AK9: variants seen among roughly 807,000 people sequenced by gnomAD.
AK9 encodes the protein adenylate kinase domain containing 1.
In AK9, 191 loss-of-function variants were observed where a neutral mutation model predicts 239.6. The observed-to-expected ratio is 0.80, with a 90% CI of 0.71 to 0.90. AK9 has a LOEUF of 0.90. Ranked by LOEUF, AK9 falls within the 40% of genes least tolerant of loss-of-function variation. AK9 has a pLI of 0.00. For synonymous variants in AK9, 689 were observed against 721.0 expected, an observed-to-expected ratio of 0.96 and a Z score of 0.71; for missense variants, 1,995 against 2,214.7, an observed-to-expected ratio of 0.90 and a Z score of 1.99.
intron 31 of AK9, among the ~76,000 whole-genome samples, chr6:109,515,138 T>A (rs1779147025): frequency 6.6e-6 from 1 of 152,212 alleles, no homozygotes; most frequent in Non-Finnish European, 1.5e-5. Flanking sequence ...ATTTCTGTTG[T>A]TTAAGCTACC....
Position 109,497,801 on chromosome 6 carries a change from G to T in AK9, c.5211C>A (p.Asn1737Lys). The change falls in exon 37 of 41, where the codon AAC becomes AAA. Residue 1737 changes from asparagine to lysine, a missense_variant. Transcript: ENST00000424296. ...GYCPVTYKDGNQRYEALVPGS... is the reference protein window; with the variant it reads ...GYCPVTYKDGKQRYEALVPGS... ...CCATGAAGGCCAGGACTTGCCTTTGGTTTCCATCCTTATAGGTCACTGGAC... is the reference window on the plus strand; with the variant it reads ...CCATGAAGGCCAGGACTTGCCTTTGTTTTCCATCCTTATAGGTCACTGGAC... 1 of 1,611,734 alleles carries T rather than the reference G, an allele frequency of 6.2e-7. No individual in the cohort carries two copies. Among genetic ancestry groups the T allele is most frequent in the Non-Finnish European group, 8.5e-7 (1 of 1,178,054 alleles).
intron 6 of AK9, among the ~76,000 whole-genome samples, chr6:109,661,847 C>G (rs541991728): frequency 6.6e-6 from 1 of 152,324 alleles, no homozygotes; most frequent in Non-Finnish European, 1.5e-5. Context: ...ATTCTTATCA[C>G]AACCCCATGA....
intron 29 of AK9, chr6:109,527,814 C>A (rs1253710544): frequency 6.6e-6 from 1 of 152,040 alleles, no homozygotes; most frequent in African/African-American, 2.4e-5. Flanking sequence ...GAAATCACAC[C>A]ATTCTAATGT....
intron 40 of AK9, 77 bp from the exon 41 acceptor site, chr6:109,493,648 G>T: frequency 8.0e-7 from 1 of 1,251,056 alleles, no homozygotes; most frequent in Non-Finnish European, 1.1e-6. Flanking sequence ...CTGGATGTGT[G>T]GTTGAGTTAG....
At chr6:109,626,698 T>C (rs1467772675) in intron 12 of AK9, among the ~76,000 whole-genome samples, 2 of 152,326 alleles carry the variant, frequency 1.3e-5, no homozygotes, top group East Asian at 1.9e-4. Context: ...TGTAACACAA[T>C]GTTAAGGATT....
intron 9 of AK9, 77 bp from the exon 10 acceptor site, chr6:109,641,693 G>A (rs1484648067): frequency 3.1e-6 from 4 of 1,294,828 alleles, no homozygotes; most frequent in African/African-American, 1.5e-5. Flanking sequence ...GTGGGCTTAT[G>A]AGCCAAGACC....
intron 1 of AK9, among the ~76,000 whole-genome samples, chr6:109,682,426 C>CAAAAAAAAAAAAAAAA (rs57215335): frequency 2.2e-4 from 15 of 68,518 alleles, no homozygotes; most frequent in South Asian, 4.6e-4. Context: ...GACTCCGTCT[C>CAAAAAAAAAAAAAAAA]AAAAAAAAAA....
intron 17 of AK9, among the ~76,000 whole-genome samples, chr6:109,591,810 G>C (rs767779489): frequency 6.6e-6 from 1 of 151,646 alleles, no homozygotes; most frequent in Non-Finnish European, 1.5e-5. Context: ...ACTTAGTTTA[G>C]CAGGATATAA....
intron 31 of AK9, among the ~76,000 whole-genome samples, chr6:109,515,547 A>G (rs1779191504): frequency 6.6e-6 from 1 of 152,218 alleles, no homozygotes; most frequent in Non-Finnish European, 1.5e-5. Context: ...GTTGTTACAG[A>G]TCAATGGTAG....
At chr6:109,609,132 T>C (rs1398546011) in intron 17 of AK9, among the ~76,000 whole-genome samples, 2 of 152,230 alleles carry the variant, frequency 1.3e-5, no homozygotes, top group Non-Finnish European at 2.9e-5. Context: ...TATATATTCC[T>C]ATATCAGAAG....
chr6:109,622,554 T>G (rs1367048433), intron 12 of AK9, among the ~76,000 whole-genome samples: 1 of 145,646 alleles, frequency 6.9e-6, no homozygotes, highest in Non-Finnish European at 1.5e-5. Flanking sequence ...AAATTGCATA[T>G]TATATTGTAT....
At chr6:109,659,541 T>G in intron 6 of AK9, 128 bp from the exon 7 acceptor site, 4 of 1,197,602 alleles carry the variant, frequency 3.3e-6, no homozygotes, top group Non-Finnish European at 4.4e-6. Context: ...AAATGCAATA[T>G]TGTGACTGGC....
At chr6:109,677,677 T>C (rs1024443938) in intron 1 of AK9, among the ~76,000 whole-genome samples, 11 of 151,978 alleles carry the variant, frequency 7.2e-5, no homozygotes, top group Non-Finnish European at 1.6e-4. Flanking sequence ...TAAATAACTA[T>C]CAAAGGTCAA....
intron 20 of AK9, among the ~76,000 whole-genome samples, chr6:109,574,003 T>G (rs897323143): frequency 5.3e-5 from 8 of 152,112 alleles, no homozygotes; most frequent in Non-Finnish European, 1.2e-4. Context: ...ACTGTAAGTA[T>G]AAAACATACA....
chr6:109,600,310 G>C (rs1418567018), intron 17 of AK9, among the ~76,000 whole-genome samples: 3 of 152,154 alleles, frequency 2.0e-5, no homozygotes, highest in Admixed American at 6.6e-5. Flanking sequence ...TTTCTTGAAG[G>C]CCTTTTCCGC....
intron 12 of AK9, among the ~76,000 whole-genome samples, chr6:109,621,141 A>G (rs1353496720): frequency 2.1e-5 from 3 of 139,976 alleles, no homozygotes; most frequent in Non-Finnish European, 4.6e-5. Flanking sequence ...ACATGAAAAA[A>G]TGCTCATCAT....
intron 24 of AK9, among the ~76,000 whole-genome samples, chr6:109,551,653 C>T (rs545816299): frequency 6.6e-6 from 1 of 151,830 alleles, no homozygotes; most frequent in Non-Finnish European, 1.5e-5. Context: ...CCTCCCCCAC[C>T]TATTATTTTG....
At chr6:109,574,221 A>C (rs1013464613) in intron 20 of AK9, among the ~76,000 whole-genome samples, 1 of 152,168 alleles carries the variant, frequency 6.6e-6, no homozygotes, top group Admixed American at 6.6e-5. Context: ...TACAAAATAC[A>C]AAAATTAGCT....
At chr6:109,608,278 CAA>C (rs568305228) in intron 17 of AK9, among the ~76,000 whole-genome samples, 4 of 54,742 alleles carry the variant, frequency 7.3e-5, no homozygotes, top group African/African-American at 6.8e-5. Context: ...GACTCTGGCT[CAA>C]AAAAAAAAAA....
Sources: allele counts gnomAD v4.1 joint callset (sites outside exome capture counted in the v4.1 genomes callset), GRCh38; gene constraint gnomAD v4.1.1; transcripts MANE v1.5; gene names NCBI Gene and HGNC (gene_info 2026-07-23, HGNC 2026-07-21).